TNS1: variants seen among roughly 807,000 people sequenced by gnomAD.
TNS1 encodes the protein tensin 1.
A neutral mutation model predicts 168.6 loss-of-function variants in TNS1; 62 were observed. The observed-to-expected ratio is 0.37, with a 90% CI of 0.30 to 0.45. The LOEUF (loss-of-function observed/expected upper bound fraction) is 0.45. Ranked by LOEUF, TNS1 falls within the 20% of genes least tolerant of loss-of-function variation. The pLI is 1.00. For synonymous variants in TNS1, 934 were observed against 933.2 expected (o/e 1.00, Z -0.02); for missense variants, 2,240 against 2,339.4 (o/e 0.96, Z 0.88).
At chr2:217,850,401 T>C (rs1947301945) in intron 18 of TNS1, 1 of 982,430 alleles carries the variant, frequency 1.0e-6, no homozygotes, top group African/African-American at 1.8e-5. Flanking sequence ...GGGGAGAGGG[T>C]CCTCTTGTCT....
chr2:217,812,292 G>T (rs1941062226), intron 28 of TNS1, 76 bp downstream of exon 28: 4 of 1,289,994 alleles, frequency 3.1e-6, no homozygotes, highest in Non-Finnish European at 4.4e-6. Flanking sequence ...CATGTCCGGA[G>T]TGGCTGGCAG....
At chr2:217,864,096 C>T (rs1294338967) in intron 18 of TNS1, among the ~76,000 whole-genome samples, 35 of 152,180 alleles carry the variant, frequency 2.3e-4, no homozygotes, top group Admixed American at 2.3e-3. Flanking sequence ...GACAGGAGCC[C>T]TAGTGCCAGA....
intron 3 of TNS1, among the ~76,000 whole-genome samples, chr2:217,937,698 C>G (rs1008991484): frequency 2.6e-5 from 4 of 152,256 alleles, no homozygotes; most frequent in Non-Finnish European, 5.9e-5. Flanking sequence ...ACAGACCCCC[C>G]ACCCCTGCAC....
Position 218,016,091 on chromosome 2 carries a change from G to A in TNS1, c.156+17729C>T, listed in dbSNP as rs560966424. ...GGGGAGGGCCCAGTCTGGGAAGCCC[G>A]GTGGCATCAGCACTAGCTAATACAA... is the stretch of plus-strand genomic sequence containing the variant. On this transcript the variant is annotated intron_variant, in intron 1 of 1. Transcript: ENST00000649572. Among the ~76,000 whole-genome samples the A allele has an allele frequency of 7.6e-4, 116 of 152,170 alleles. No homozygotes were observed. The Middle Eastern group carries it at 0.017, about 22-fold the overall frequency.
At chr2:217,992,390 G>A (rs74411550) in intron 1 of TNS1, 3,267 of 152,338 alleles carry the variant, frequency 0.021, 129 homozygotes, top group African/African-American at 0.075. Flanking sequence ...TCCCCTCCTT[G>A]CACCTGCTCC....
chr2:217,997,501 G>A (rs149778775), intron 1 of TNS1, among the ~76,000 whole-genome samples: 38 of 152,254 alleles, frequency 2.5e-4, no homozygotes, highest in Middle Eastern at 3.4e-3. Flanking sequence ...AATGCCCCTC[G>A]ATTTGGATTT....
Position 217,804,456 on chromosome 2 carries a change from G to C in TNS1, c.*3C>G. On this transcript the variant is annotated 3_prime_UTR_variant, in exon 33 of 33. Coordinates refer to ENST00000682258, the MANE Select transcript of TNS1 (RefSeq NM_001387777.1). ...GGCACTGGCCCTGGGCAAGGGGCAG[G>C]GTTCATCTCTTTTGGCCGGCATTCA... The C allele has an allele frequency of 6.2e-7, 1 of 1,614,086 alleles. No homozygotes were observed. Among genetic ancestry groups the C allele is most frequent in the East Asian group, 2.2e-5 (1 of 44,876 alleles).
rs979903048 is a variant in TNS1 at position 217,821,671 on chromosome 2, C to G, written c.3572+69G>C. On this transcript the variant is annotated intron_variant, in intron 23 of 32. Transcript: ENST00000682258. The stretch of plus-strand genomic sequence containing the variant: ...CGCCATAGGCAACAGATCCAGGAGG[C>G]CTCACCCATCCCGTCCCAGTCCCAG... 95 of 1,368,258 alleles carry G rather than the reference C, an allele frequency of 6.9e-5. 1 individual carries two copies. The highest frequency in any genetic ancestry group is 9.0e-5 in the Non-Finnish European group (94 of 1,047,808). The allele number at this position is 1,368,258 out of a possible 1,614,324, so 84.8% of individuals were successfully genotyped here.
At chr2:217,930,545 G>A (rs1330825676) in intron 3 of TNS1, among the ~76,000 whole-genome samples, 1 of 152,228 alleles carries the variant, frequency 6.6e-6, no homozygotes, top group Non-Finnish European at 1.5e-5. Context: ...CCCTGGAGTG[G>A]CCTCATGCCC....
rs200823793 is a variant in TNS1, at chr2:217,885,031, G to T, written c.1246+4C>A. On this transcript the variant is annotated splice_donor_region_variant and intron_variant, in intron 16 of 32. Coordinates refer to ENST00000682258, the MANE Select transcript of TNS1 (RefSeq NM_001387777.1). ...CCACCCCCAGCTCCACTCAAGGAGCGCACCTTTGAAAGCATCATCAAGGTC... is the reference window on the plus strand; with the variant it reads ...CCACCCCCAGCTCCACTCAAGGAGCTCACCTTTGAAAGCATCATCAAGGTC... The T allele has an allele frequency of 3.1e-6, 5 of 1,614,078 alleles. No individual in the cohort carries two copies. In the East Asian group the frequency reaches 1.1e-4, roughly 36 times the overall value.
intron 1 of TNS1, among the ~76,000 whole-genome samples, chr2:218,030,588 C>T (rs80344631): frequency 0.025 from 3,835 of 152,306 alleles, 169 homozygotes; most frequent in African/African-American, 0.088. Flanking sequence ...AATGGCCAAG[C>T]GCATCTGGCT....
rs998632522 is a variant in TNS1, at chr2:218,002,940, C to A, written c.-68G>T. ...AGAGCCCCTGAAGCTAGAGTCCCCG[C>A]GGCGCTGGCAGAAGGGCTCTCTGAG... On this transcript the variant is annotated 5_prime_UTR_variant, in exon 1 of 33. Coordinates refer to ENST00000682258, the MANE Select transcript of TNS1 (RefSeq NM_001387777.1). 6.6e-6 allele frequency: 3 copies of A among 456,366 alleles called. No individual in the cohort carries two copies. Among genetic ancestry groups the A allele is most frequent in the African/African-American group, 2.0e-5 (1 of 50,166 alleles). The allele number at this position is 456,366 out of a possible 1,614,324, so 28.3% of individuals were successfully genotyped here.
At chr2:217,833,751 G>A (rs1172986416) in intron 21 of TNS1, among the ~76,000 whole-genome samples, 1 of 152,242 alleles carries the variant, frequency 6.6e-6, no homozygotes, top group Non-Finnish European at 1.5e-5. Flanking sequence ...ACAGAGACAT[G>A]CCATAAGTGT....
At chr2:217,879,074 TC>T (rs1950452670) in intron 18 of TNS1, among the ~76,000 whole-genome samples, 1 of 152,172 alleles carries the variant, frequency 6.6e-6, no homozygotes, top group African/African-American at 2.4e-5. Flanking sequence ...GGAGCCGCTC[TC>T]GGCTCTGCTG....
chr2:217,903,043 G>T (rs905250915), intron 6 of TNS1, among the ~76,000 whole-genome samples: 1 of 152,152 alleles, frequency 6.6e-6, no homozygotes, highest in African/African-American at 2.4e-5. Context: ...CCTCACACGA[G>T]GCTAGAGATG....
At chr2:217,969,022 C>T (rs1226178625) in intron 3 of TNS1, among the ~76,000 whole-genome samples, 1 of 152,150 alleles carries the variant, frequency 6.6e-6, no homozygotes, top group Non-Finnish European at 1.5e-5. Context: ...GATGGCAATA[C>T]TCCCCCAGTT....
At chr2:217,867,877 C>T (rs1004866324) in intron 18 of TNS1, among the ~76,000 whole-genome samples, 1 of 152,264 alleles carries the variant, frequency 6.6e-6, no homozygotes, top group Non-Finnish European at 1.5e-5. Context: ...AATGTCAACT[C>T]TTCAATGCCC....
intron 19 of TNS1, among the ~76,000 whole-genome samples, chr2:217,843,957 T>C (rs569297456): frequency 2.6e-5 from 4 of 152,270 alleles, no homozygotes; most frequent in African/African-American, 9.6e-5. Flanking sequence ...CTGCCTTCCA[T>C]ATGTCTCTCC....
Position 217,931,870 on chromosome 2 carries a change from C to T in TNS1, c.187-11634G>A, listed in dbSNP as rs76289180. Among the ~76,000 whole-genome samples the T allele has an allele frequency of 9.8e-4, 149 of 152,266 alleles. 1 individual carries two copies. Among genetic ancestry groups the T allele is most frequent in the African/African-American group, 3.4e-3 (141 of 41,544 alleles). The stretch of plus-strand genomic sequence containing the variant: ...GAAGTGCCTTACATTTTTGACTCTT[C>T]GGGTTCCCTATGCTGCCTGTATCAC... On this transcript the variant is annotated intron_variant, in intron 3 of 32. Transcript: ENST00000682258.
Sources: gnomAD v4.1 joint callset for allele counts (sites outside exome capture counted in the v4.1 genomes callset) on GRCh38, gnomAD v4.1.1 for gene constraint, MANE v1.5 for transcripts, NCBI Gene and HGNC (gene_info 2026-07-23, HGNC 2026-07-21) for gene names.